The following OSGIN1 variants were observed in gnomAD, a reference collection of about 807,000 sequenced individuals.
OSGIN1 encodes oxidative stress induced growth inhibitor 1.
OSGIN1 carries 19 observed loss-of-function variants against 20.1 expected under a neutral mutation model. The ratio of observed to expected loss-of-function variants is 0.95; its 90% CI spans 0.66 to 1.39. The LOEUF (loss-of-function observed/expected upper bound fraction) is 1.39. Among genes scored for constraint, OSGIN1 ranks in the 40% most tolerant of loss-of-function variants. The pLI, the probability that OSGIN1 is intolerant of heterozygous loss-of-function variation, is 0.00. For missense variants in OSGIN1, 820 were observed against 653.0 expected, an observed-to-expected ratio of 1.26 and a Z score of -2.79; for synonymous variants, 368 against 297.8, an observed-to-expected ratio of 1.24 and a Z score of -2.43.
At position 83,965,705 on chromosome 16, in the gene OSGIN1, C is replaced by A; in HGVS notation, c.1132C>A (p.Gln378Lys). Residue 378 changes from glutamine (Q) to lysine (K), a missense_variant, in exon 6 of 6, where the codon CAG becomes AAG. Physicochemically the swap from Gln to Lys is moderately conservative, Grantham distance 53 (BLOSUM62 1). Transcript: ENST00000393306. ...CAAGGAAGACTGCCAGGCCGTGTTC[C>A]AGGACCTCGAGGGTGTCGAGAAGGT... ...CFKEDCQAVF[Q>K]DLEGVEKVFG... is the part of the protein sequence containing the mutation. 1 of 1,613,678 alleles carries A rather than the reference C, an allele frequency of 6.2e-7. No individual in the cohort carries two copies. Among genetic ancestry groups the A allele is most frequent in the African/African-American group, 1.3e-5 (1 of 75,056 alleles).
rs1597177592 is a variant in OSGIN1 at position 83,957,809 on chromosome 16, G to C, written c.67+71G>C. 7 of 750,922 alleles carry C rather than the reference G, an allele frequency of 9.3e-6. No individual in the cohort carries two copies. In the East Asian group the frequency reaches 2.3e-4, roughly 25 times the overall value. The allele number at this position is 750,922 out of a possible 1,614,324, so 46.5% of individuals were successfully genotyped here. A position where few individuals can be genotyped will look rare whatever the true frequency, so the allele number is the denominator to read the frequency against. On this transcript the variant is annotated intron_variant, in intron 2 of 5. Coordinates refer to ENST00000393306, the MANE Select transcript of OSGIN1 (RefSeq NM_182981.3). Reference sequence around the variant, plus strand: ...GGGTACCCCCCAGGTCTGAGGGCAGGAGCTGGGCAAGTCCAGGCCTGGTGT... The same window carrying C: ...GGGTACCCCCCAGGTCTGAGGGCAGCAGCTGGGCAAGTCCAGGCCTGGTGT...
intron 4 of OSGIN1, 67 bp from the exon 5 acceptor site, chr16:83,960,914 A>G: frequency 1.3e-6 from 2 of 1,550,176 alleles, no homozygotes; most frequent in South Asian, 2.2e-5. Flanking sequence ...AAGGCCTCCC[A>G]TGCCCTCTAG....
At chr16:83,964,789 G>A (rs1207294030) in intron 5 of OSGIN1, among the ~76,000 whole-genome samples, 6 of 152,152 alleles carry the variant, frequency 3.9e-5, no homozygotes, top group African/African-American at 1.4e-4. Flanking sequence ...CAGGCAGCGG[G>A]GCTCTGGAGG....
intron 5 of OSGIN1, 64 bp from the exon 6 acceptor site, chr16:83,964,998 G>GGGC: frequency 1.4e-4 from 69 of 498,704 alleles, no homozygotes; most frequent in East Asian, 4.3e-4. Context: ...GACATCTCCC[G>GGGC]TCCCACCCAG....
At chr16:83,961,549 G>A (rs958814308) in intron 5 of OSGIN1, among the ~76,000 whole-genome samples, 2 of 152,150 alleles carry the variant, frequency 1.3e-5, no homozygotes, top group African/African-American at 4.8e-5. Context: ...AGTGATTTGG[G>A]GGATTTCACA....
chr16:83,953,626 T>C (rs1908793157), intron 1 of OSGIN1, among the ~76,000 whole-genome samples: 1 of 152,172 alleles, frequency 6.6e-6, no homozygotes, highest in Non-Finnish European at 1.5e-5. Flanking sequence ...GCGGCCACAG[T>C]CCCAGCGTAC....
intron 2 of OSGIN1, 86 bp from the exon 3 acceptor site, chr16:83,959,174 T>C: frequency 1.2e-6 from 1 of 867,036 alleles, no homozygotes; most frequent in Non-Finnish European, 1.9e-6. Flanking sequence ...AATGAATGAA[T>C]GCGCCGCATC....
intron 5 of OSGIN1, among the ~76,000 whole-genome samples, chr16:83,963,749 G>A (rs934246045): frequency 3.9e-5 from 6 of 152,114 alleles, no homozygotes; most frequent in African/African-American, 1.4e-4. Context: ...TCCCGTATGG[G>A]AGTTCATCTT....
intron 3 of OSGIN1, among the ~76,000 whole-genome samples, chr16:83,960,101 C>A (rs1219166961): frequency 6.6e-6 from 1 of 152,148 alleles, no homozygotes; most frequent in African/African-American, 2.4e-5. Flanking sequence ...CAGCATTTTT[C>A]AAAGTGCTCT....
chr16:83,960,980 G>A lies in OSGIN1; in HGVS notation c.397-1G>A. The A allele has an allele frequency of 6.2e-7, 1 of 1,613,066 alleles. No individual in the cohort carries two copies. Among genetic ancestry groups the A allele is most frequent in the Non-Finnish European group, 8.5e-7 (1 of 1,179,482 alleles). On this transcript the variant is annotated splice_acceptor_variant, in intron 4 of 5. Transcript: ENST00000393306. LOFTEE classifies it high-confidence loss of function. ...GGACCAAAGGGTTCCTTTCCCTGCA[G>A]TCCATCGAAGGCTCCATGGTGATCC...
chr16:83,959,187 G>T (rs189876249), intron 2 of OSGIN1, 73 bp from the exon 3 acceptor site: 3 of 1,062,612 alleles, frequency 2.8e-6, no homozygotes, highest in African/African-American at 1.6e-5. Context: ...GCCGCATCTA[G>T]ATCAAAGCCC....
chr16:83,962,638 C>G (rs896826234), intron 5 of OSGIN1, among the ~76,000 whole-genome samples: 6 of 152,342 alleles, frequency 3.9e-5, no homozygotes, highest in African/African-American at 1.4e-4. Context: ...GGGGCACAGC[C>G]TGGCTGTATA....
At chr16:83,958,775 T>C (rs1404109562) in intron 2 of OSGIN1, among the ~76,000 whole-genome samples, 6 of 152,126 alleles carry the variant, frequency 3.9e-5, no homozygotes, top group Non-Finnish European at 7.4e-5. Context: ...CACCCACCAC[T>C]CAAGTTCGCC....
intron 1 of OSGIN1, 132 bp from the exon 2 acceptor site, chr16:83,957,508 A>C: frequency 1.6e-6 from 1 of 616,948 alleles, no homozygotes; most frequent in South Asian, 1.8e-5. Context: ...GTCCCGTCAG[A>C]TATGTCTCAT....
intron 1 of OSGIN1, among the ~76,000 whole-genome samples, chr16:83,955,609 G>T (rs1283509764): frequency 1.3e-5 from 2 of 152,182 alleles, no homozygotes; most frequent in Admixed American, 1.3e-4. Context: ...ATTTGTTAAC[G>T]TGTATTAAGT....
Position 83,961,044 on chromosome 16 carries a change from G to A in OSGIN1, c.460G>A (p.Val154Ile). 6.2e-7 allele frequency: 1 copy of A among 1,613,594 alleles called. No individual in the cohort carries two copies. The highest frequency in any genetic ancestry group is 8.5e-7 in the Non-Finnish European group (1 of 1,180,008). The change falls in exon 5 of 6, where the codon GTC (valine) becomes ATC (isoleucine). Residue 154 changes from valine (V) to isoleucine (I), a missense_variant. Val to Ile is a conservative substitution (Grantham distance 29). Transcript: ENST00000393306. The part of the protein sequence containing the change: ...GQWMGLPDLE[V>I]KDWMQKKRRG... Reference sequence around the variant, plus strand: ...GTGGATGGGGCTCCCGGACCTGGAGGTCAAGGACTGGATGCAGAAGAAGCG... The same window carrying A: ...GTGGATGGGGCTCCCGGACCTGGAGATCAAGGACTGGATGCAGAAGAAGCG...
chr16:83,959,448 A>G, intron 3 of OSGIN1, 52 bp downstream of exon 3: 1 of 1,525,266 alleles, frequency 6.6e-7, no homozygotes. Context: ...GCCCTTGGAA[A>G]ACTACCGCCG....
intron 1 of OSGIN1, among the ~76,000 whole-genome samples, chr16:83,955,962 G>T (rs1908906829): frequency 6.6e-6 from 1 of 152,152 alleles, no homozygotes; most frequent in East Asian, 1.9e-4. Context: ...GGAGCAGAGA[G>T]CACCGACACA....
intron 2 of OSGIN1, among the ~76,000 whole-genome samples, chr16:83,958,305 C>T (rs1011682612): frequency 6.6e-6 from 1 of 152,170 alleles, no homozygotes; most frequent in African/African-American, 2.4e-5. Flanking sequence ...GGGTCTAGAA[C>T]ACACCCATCA....
Sources: gnomAD v4.1 joint callset for allele counts (sites outside exome capture counted in the v4.1 genomes callset) on GRCh38, gnomAD v4.1.1 for gene constraint, MANE v1.5 for transcripts, NCBI Gene and HGNC (gene_info 2026-07-23, HGNC 2026-07-21) for gene names.